Variants in AAAS observed in about 807,000 individuals in gnomAD.
AAAS encodes aladin.
A neutral mutation model predicts 75.6 loss-of-function variants in AAAS; 60 were observed. That is an observed-to-expected ratio of 0.79 (90% CI 0.64 to 0.98). The LOEUF (loss-of-function observed/expected upper bound fraction) is 0.98, where lower values mean the gene tolerates loss of function less well. Among genes scored for constraint, AAAS ranks in the 50% least tolerant of loss-of-function variants. AAAS has a pLI of 0.00. For missense variants in AAAS, 658 were observed against 686.9 expected, an observed-to-expected ratio of 0.96 and a Z score of 0.47; for synonymous variants, 271 against 265.0, an observed-to-expected ratio of 1.02 and a Z score of -0.22.
Position 53,308,123 on chromosome 12 carries a change from C to T in AAAS, c.1260G>A (p.Arg420=). Residue 420 remains arginine, a synonymous_variant, in exon 14 of 16, where the codon AGG becomes AGA. Transcript: ENST00000209873. ...RLAVLMKGKP[R]VQDGKPVILL... The stretch of plus-strand genomic sequence containing the variant: ...GGATGACTGGTTTACCATCCTGTAC[C>T]CTTGGCTTTCCTGTAAGAAATGGAT... The T allele has an allele frequency of 6.2e-7, 1 of 1,614,156 alleles. No homozygotes were observed.
At chr12:53,308,637 T>C (rs1322859010) in intron 11 of AAAS, 88 bp downstream of exon 11, 1 of 1,597,428 alleles carries the variant, frequency 6.3e-7, no homozygotes, top group Non-Finnish European at 8.6e-7. Flanking sequence ...AGCTTCTATA[T>C]TTCCCTTTAT....
At chr12:53,318,220 T>G (rs1171250389) in intron 2 of AAAS, among the ~76,000 whole-genome samples, 1 of 52,156 alleles carries the variant, frequency 1.9e-5, no homozygotes, top group African/African-American at 4.9e-5. Context: ...GAGATGGGGT[T>G]TCAGTGTGTG....
chr12:53,309,937 A>C (rs1286367431), intron 7 of AAAS: 2 of 678,890 alleles, frequency 2.9e-6, no homozygotes, highest in Non-Finnish European at 4.9e-6. Context: ...AACAGAGAAG[A>C]GGTAATCTGC....
Position 53,315,566 on chromosome 12 carries a change from C to G in AAAS, c.308-140G>C. The stretch of plus-strand genomic sequence containing the variant: ...TGCTCTCAACACCACACTCTGGACA[C>G]CCACTCTGGACACCCACTCTGGGTT... On this transcript the variant is annotated intron_variant, in intron 3 of 15. Coordinates refer to ENST00000209873, the MANE Select transcript of AAAS (RefSeq NM_015665.6). 4 of 1,187,378 alleles carry G rather than the reference C, an allele frequency of 3.4e-6. No individual in the cohort carries two copies. In the South Asian group the frequency reaches 5.2e-5, roughly 16 times the overall value. 73.6% of individuals were successfully genotyped at this position (1,187,378 alleles called of 1,614,324 possible).
Position 53,308,729 on chromosome 12 carries a change from A to G in AAAS, c.1083T>C (p.Arg361=), listed in dbSNP as rs142849711. ...TGAAGTGTTGCCCTAACTCACCACA[A>G]CGTTCTGGAAAAGACAGGGAGTAAA... The part of the protein sequence containing the change: ...PLIYSLSFPE[R]CGEGKGCVGG... The change falls in exon 11 of 16, where the codon CGT becomes CGC. Residue 361 remains arginine, a synonymous_variant. Transcript: ENST00000209873. 1 of 1,613,970 alleles carries G rather than the reference A, an allele frequency of 6.2e-7. No individual in the cohort carries two copies. Among genetic ancestry groups the G allele is most frequent in the African/African-American group, 1.3e-5 (1 of 74,918 alleles).
chr12:53,318,055 G>T (rs973085976), intron 2 of AAAS, among the ~76,000 whole-genome samples: 1 of 152,146 alleles, frequency 6.6e-6, no homozygotes, highest in Non-Finnish European at 1.5e-5. Context: ...TTGAGACAGG[G>T]TCTTGCTCTG....
intron 7 of AAAS, chr12:53,309,969 A>G: frequency 1.7e-6 from 1 of 575,032 alleles, no homozygotes; most frequent in South Asian, 2.0e-5. Flanking sequence ...CCAGGGTGAA[A>G]GAGTGCTTTC....
intron 7 of AAAS, among the ~76,000 whole-genome samples, chr12:53,313,457 C>T (rs370477077): frequency 5.9e-5 from 9 of 152,060 alleles, no homozygotes; most frequent in South Asian, 2.1e-4. Flanking sequence ...TGAGCCACTG[C>T]GCCTGGCCTA....
At chr12:53,309,044 C>G in intron 9 of AAAS, 24 bp from the exon 10 acceptor site, 22 of 1,614,244 alleles carry the variant, frequency 1.4e-5, no homozygotes, top group Non-Finnish European at 1.8e-5. Context: ...AAGCAAATTA[C>G]AGCTCAGGAC....
intron 8 of AAAS, 126 bp downstream of exon 8, chr12:53,309,475 T>G (rs1436154084): frequency 1.4e-5 from 22 of 1,561,276 alleles, no homozygotes; most frequent in Non-Finnish European, 1.7e-5. Context: ...GCAAAGCTCC[T>G]CTCTGGGTAA....
Position 53,307,831 on chromosome 12 carries a change from C to G in AAAS, c.1416+14G>C, listed in dbSNP as rs1944313626. On this transcript the variant is annotated intron_variant, in intron 15 of 15. Coordinates refer to ENST00000209873, the MANE Select transcript of AAAS (RefSeq NM_015665.6). The stretch of plus-strand genomic sequence containing the variant: ...ATCCAACTCCTGGAAGCCCCAGCAG[C>G]CTGGCGCACTCACCACACTGAGCAG... The G allele has an allele frequency of 6.2e-7, 1 of 1,614,014 alleles. No homozygotes were observed. The highest frequency in any genetic ancestry group is 8.5e-7 in the Non-Finnish European group (1 of 1,179,834).
At chr12:53,315,212 A>C in intron 4 of AAAS, 72 bp from the exon 5 acceptor site, 1 of 1,601,012 alleles carries the variant, frequency 6.2e-7, no homozygotes, top group South Asian at 1.1e-5. Context: ...CCAACAGGGG[A>C]GCTGGACCAC....
intron 15 of AAAS, 37 bp downstream of exon 15, chr12:53,307,808 C>T: frequency 1.2e-6 from 2 of 1,613,470 alleles, no homozygotes. Context: ...GCTTCTCCAT[C>T]CAACTCCTGG....
chr12:53,309,889 G>A, intron 7 of AAAS, 168 bp from the exon 8 acceptor site: 3 of 1,119,490 alleles, frequency 2.7e-6, no homozygotes, highest in African/African-American at 3.1e-5. Flanking sequence ...GAAAAAAACA[G>A]CGAAGGGGAA....
At position 53,307,718 on chromosome 12, in the gene AAAS, A is replaced by G. The variant is rs933861044; in HGVS notation, c.1417-5T>C. The G allele has an allele frequency of 6.2e-7, 1 of 1,613,958 alleles. No individual in the cohort carries two copies. The highest frequency in any genetic ancestry group is 1.3e-5 in the African/African-American group (1 of 74,952). On this transcript the variant is annotated splice_region_variant and splice_polypyrimidine_tract_variant and intron_variant, in intron 15 of 15. Coordinates refer to ENST00000209873, the MANE Select transcript of AAAS (RefSeq NM_015665.6). ...AATTCGGCCTGTGGACCAGCCCTGC[A>G]GAGAAGGGAAAGAAAAGGATCAGAG...
chr12:53,308,190 A>G (rs1323054914), intron 13 of AAAS, 57 bp from the exon 14 acceptor site: 2 of 1,611,752 alleles, frequency 1.2e-6, no homozygotes, highest in Non-Finnish European at 1.7e-6. Flanking sequence ...GTCCCAGGAC[A>G]TGGGCAGAGG....
At chr12:53,307,793 C>T in intron 15 of AAAS, 52 bp downstream of exon 15, 1 of 1,612,986 alleles carries the variant, frequency 6.2e-7, no homozygotes, top group East Asian at 2.2e-5. Flanking sequence ...CAGCCAAGGC[C>T]CTCAGCTTCT....
In AAAS at chr12:53,307,837, G is replaced by T; in HGVS notation, c.1416+8C>A. ...CTCCTGGAAGCCCCAGCAGCCTGGCGCACTCACCACACTGAGCAGGGCCCC... is the reference window on the plus strand; with the variant it reads ...CTCCTGGAAGCCCCAGCAGCCTGGCTCACTCACCACACTGAGCAGGGCCCC... On this transcript the variant is annotated splice_region_variant and intron_variant, in intron 15 of 15. Coordinates refer to ENST00000209873, the MANE Select transcript of AAAS (RefSeq NM_015665.6). 6.2e-7 allele frequency: 1 copy of T among 1,614,128 alleles called. No homozygotes were observed.
chr12:53,317,430 G>A (rs988217416), intron 2 of AAAS, among the ~76,000 whole-genome samples: 1 of 151,908 alleles, frequency 6.6e-6, no homozygotes, highest in African/African-American at 2.4e-5. Context: ...GGTGGTGGGC[G>A]CCTGTAGTCC....
Sources: gnomAD v4.1 joint callset for allele counts (sites outside exome capture counted in the v4.1 genomes callset) on GRCh38, gnomAD v4.1.1 for gene constraint, MANE v1.5 for transcripts, NCBI Gene and HGNC (gene_info 2026-07-23, HGNC 2026-07-21) for gene names.